The following ABCB4 variants were observed in gnomAD, a reference collection of about 807,000 sequenced individuals.
ABCB4 encodes the protein ATP binding cassette subfamily B member 4.
In ABCB4, 76 loss-of-function variants were observed where a neutral mutation model predicts 145.7. That is an observed-to-expected ratio of 0.52 (90% CI 0.43 to 0.63). The LOEUF (loss-of-function observed/expected upper bound fraction) is 0.63. ABCB4 is among the 30% of genes least tolerant of loss of function. ABCB4 has a pLI of 0.00. For missense variants in ABCB4, 1,234 were observed against 1,553.1 expected (o/e 0.79, Z 3.45); for synonymous variants, 517 against 566.8 (o/e 0.91, Z 1.25).
the ABCB4 span, among the ~76,000 whole-genome samples, chr7:87,376,333 AC>A: frequency 1.3e-5 from 2 of 152,010 alleles, no homozygotes; most frequent in Non-Finnish European, 2.9e-5. Context: ...GTATCTTGAC[AC>A]CATAGTTGGG....
At chr7:87,394,665 T>C in the ABCB4 span, among the ~76,000 whole-genome samples, 1 of 152,230 alleles carries the variant, frequency 6.6e-6, no homozygotes, top group South Asian at 2.1e-4. Flanking sequence ...TGCAGCTTTT[T>C]GGTGGGTGCT....
intron 16 of ABCB4, among the ~76,000 whole-genome samples, chr7:87,424,829 G>A (rs1426889921): frequency 1.3e-5 from 2 of 152,054 alleles, no homozygotes; most frequent in Non-Finnish European, 2.9e-5. Context: ...TTAATTAAAT[G>A]TCTGGCCAAG....
chr7:87,416,334 C>T (rs1168033089), intron 21 of ABCB4, among the ~76,000 whole-genome samples: 4 of 152,194 alleles, frequency 2.6e-5, no homozygotes, highest in East Asian at 3.8e-4. Flanking sequence ...CAGTCTCTGA[C>T]GCCTTCTTCC....
intron 17 of ABCB4, chr7:87,423,615 A>G: frequency 2.4e-6 from 1 of 415,166 alleles, no homozygotes; most frequent in Non-Finnish European, 4.5e-6. Flanking sequence ...TTCTACACAA[A>G]CAGATTGGGG....
the ABCB4 span, among the ~76,000 whole-genome samples, chr7:87,366,095 C>T: frequency 2.0e-5 from 3 of 152,196 alleles, no homozygotes; most frequent in Non-Finnish European, 4.4e-5. Flanking sequence ...GATCTACCCT[C>T]ACGACTTCCC....
downstream of ABCB4, among the ~76,000 whole-genome samples, chr7:87,400,232 T>G (rs1159900810): frequency 6.6e-6 from 1 of 152,098 alleles, no homozygotes; most frequent in Non-Finnish European, 1.5e-5. Flanking sequence ...AAAAGTAATA[T>G]CTTGATAAGA....
the ABCB4 span, chr7:87,393,186 G>C: frequency 1.8e-6 from 2 of 1,141,504 alleles, no homozygotes; most frequent in Non-Finnish European, 2.5e-6. Flanking sequence ...TGCTACATAA[G>C]TAACTATTTT....
intron 15 of ABCB4, among the ~76,000 whole-genome samples, chr7:87,428,609 G>A (rs999244576): frequency 6.6e-6 from 1 of 152,106 alleles, no homozygotes; most frequent in African/African-American, 2.4e-5. Flanking sequence ...TCCAATACAC[G>A]CAAGAGAAGA....
At chr7:87,380,513 T>C in the ABCB4 span, among the ~76,000 whole-genome samples, 3 of 150,976 alleles carry the variant, frequency 2.0e-5, no homozygotes, top group Non-Finnish European at 4.4e-5. Flanking sequence ...TTTTTACTAT[T>C]GCCCAGCTAG....
At chr7:87,393,500 A>G in the ABCB4 span, among the ~76,000 whole-genome samples, 2 of 152,210 alleles carry the variant, frequency 1.3e-5, no homozygotes, top group Admixed American at 6.5e-5. Context: ...ATTCAGATGC[A>G]GTTCACTTGG....
intron 14 of ABCB4, among the ~76,000 whole-genome samples, chr7:87,438,650 G>A (rs1443751817): frequency 2.0e-5 from 3 of 152,176 alleles, no homozygotes; most frequent in Non-Finnish European, 4.4e-5. Context: ...TCAGGAGGCT[G>A]AGGTGGAAGG....
the ABCB4 span, among the ~76,000 whole-genome samples, chr7:87,389,164 C>T: frequency 6.6e-6 from 1 of 152,172 alleles, no homozygotes; most frequent in Non-Finnish European, 1.5e-5. Context: ...AATGCTTTTA[C>T]ACTGTTGGTG....
chr7:87,392,534 G>C, the ABCB4 span: 3 of 1,573,054 alleles, frequency 1.9e-6, no homozygotes, highest in Non-Finnish European at 2.6e-6. Flanking sequence ...TGCACAGTGT[G>C]TTATTGAAGT....
At chr7:87,446,921 A>G in intron 9 of ABCB4, 113 bp downstream of exon 9, 1 of 1,046,914 alleles carries the variant, frequency 9.6e-7, no homozygotes, top group Non-Finnish European at 1.4e-6. Flanking sequence ...CACCAAAAAC[A>G]AAAACCTATA....
the ABCB4 span, chr7:87,392,670 T>C: frequency 6.2e-7 from 1 of 1,611,294 alleles, no homozygotes; most frequent in South Asian, 1.1e-5. Flanking sequence ...TTTTTCTGAC[T>C]TAAAAATCTC....
At chr7:87,457,906 G>C (rs886175605) in intron 4 of ABCB4, among the ~76,000 whole-genome samples, 1 of 152,038 alleles carries the variant, frequency 6.6e-6, no homozygotes, top group Non-Finnish European at 1.5e-5. Context: ...TTTCAAAGGG[G>C]AAGAAAGAGA....
intron 4 of ABCB4, 146 bp downstream of exon 4, chr7:87,462,612 T>C (rs1305520398): frequency 2.7e-6 from 2 of 752,182 alleles, no homozygotes; most frequent in Non-Finnish European, 4.4e-6. Context: ...TTTCTGAGAA[T>C]TTTACAACTC....
At chr7:87,403,474 T>C (rs1584666031) in intron 26 of ABCB4, 193 bp from the exon 27 acceptor site, 4 of 585,450 alleles carry the variant, frequency 6.8e-6, no homozygotes, top group South Asian at 6.1e-5. Context: ...CAATAGGCTA[T>C]CTTATAATTA....
chr7:87,454,214 A>C (rs1215189724), intron 5 of ABCB4, among the ~76,000 whole-genome samples: 1 of 152,242 alleles, frequency 6.6e-6, no homozygotes, highest in African/African-American at 2.4e-5. Context: ...TAGAAGGAGG[A>C]GAAAATGCCA....
Sources: gnomAD v4.1 joint callset for allele counts (sites outside exome capture counted in the v4.1 genomes callset) on GRCh38, gnomAD v4.1.1 for gene constraint, MANE v1.5 for transcripts, NCBI Gene and HGNC (gene_info 2026-07-23, HGNC 2026-07-21) for gene names.